Variants in MAPK8IP3 observed in about 807,000 individuals in gnomAD.
MAPK8IP3 encodes the protein mitogen-activated protein kinase 8 interacting protein 3.
Under a neutral mutation model 157.8 loss-of-function variants are expected in MAPK8IP3, and 49 were observed. The ratio of observed to expected loss-of-function variants is 0.31; its 90% CI spans 0.25 to 0.39. The LOEUF is 0.39. Ranked by LOEUF, MAPK8IP3 falls within the 10% of genes least tolerant of loss-of-function variation. MAPK8IP3 has a pLI of 1.00. For synonymous variants in MAPK8IP3, 897 were observed against 777.7 expected (o/e 1.15, Z -2.55); for missense variants, 1,478 against 1,889.4 (o/e 0.78, Z 4.04).
At chr16:1,744,492 T>C (rs2040850239) in intron 5 of MAPK8IP3, 1 of 985,508 alleles carries the variant, frequency 1.0e-6, no homozygotes, top group African/African-American at 1.7e-5. Flanking sequence ...TGGAACGCTC[T>C]CCTGTCCTCC....
rs750322533 is a variant in MAPK8IP3, at chr16:1,762,817, C to T, written c.1728-19C>T. ...CCCTGGTCCTCTGCCCACCCCTCAC[C>T]TCCCTGTGCCTCTGGCAGCTTCAGC... On this transcript the variant is annotated intron_variant, in intron 15 of 31. Coordinates refer to ENST00000610761, the MANE Select transcript of MAPK8IP3 (RefSeq NM_001318852.2). 3 of 1,609,688 alleles carry T rather than the reference C, an allele frequency of 1.9e-6. No homozygotes were observed. The highest frequency in any genetic ancestry group is 2.7e-5 in the African/African-American group (2 of 74,882).
Position 1,767,253 on chromosome 16 carries a change from A to G in MAPK8IP3, c.3193A>G (p.Lys1065Glu), listed in dbSNP as rs867319253. The G allele has an allele frequency of 1.2e-6, 2 of 1,613,342 alleles. No homozygotes were observed. Among genetic ancestry groups the G allele is most frequent in the Non-Finnish European group, 1.7e-6 (2 of 1,180,004 alleles). The part of the protein sequence containing the change: ...VVYDRVWCGY[K>E]NKVHVIQPKT... ...GTACGACCGCGTGTGGTGTGGCTAC[A>G]AGAACAAGGTGCACGTCATCCAGCC... The change falls in exon 26 of 32, where the codon AAG becomes GAG. Residue 1065 changes from lysine (K) to glutamate (E), a missense_variant. By Grantham distance (56) the Lys-to-Glu change is moderately conservative. Around this residue, in one of 11 missense-constraint regions of MAPK8IP3, gnomAD observed 669 missense variants for 759.8 expected, o/e 0.88. Transcript: ENST00000610761.
rs1297689695 is a variant in MAPK8IP3 at position 1,747,167 on chromosome 16, C to T, written c.886C>T (p.Leu296=). 1 of 1,614,060 alleles carries T rather than the reference C, an allele frequency of 6.2e-7. No individual in the cohort carries two copies. Among genetic ancestry groups the T allele is most frequent in the Non-Finnish European group, 8.5e-7 (1 of 1,180,016 alleles). The change falls in exon 6 of 32, where the codon CTG becomes TTG. Residue 296 remains leucine (L), a synonymous_variant. Transcript: ENST00000610761. The part of the protein sequence containing the change: ...VTPLNESLQP[L]GDYGVGSKNS... Reference sequence around the variant, plus strand: ...ACCCCTCAACGAGAGCCTGCAGCCCCTGGGGGACTATGGCGTGGGCTCCAA... The same window carrying T: ...ACCCCTCAACGAGAGCCTGCAGCCCTTGGGGGACTATGGCGTGGGCTCCAA...
chr16:1,756,623 AACACACACACACACACAC>A (rs60461442), intron 8 of MAPK8IP3, among the ~76,000 whole-genome samples: 276 of 135,704 alleles, frequency 2.0e-3, no homozygotes, highest in Non-Finnish European at 3.3e-3. Flanking sequence ...TTTTTACTAA[AACACACACACACACACAC>A]ACACACACAC....
In MAPK8IP3 at chr16:1,762,569, T is replaced by TA; in HGVS notation, c.1670+88_1670+89insA. On this transcript the variant is annotated intron_variant, in intron 14 of 31. Transcript: ENST00000610761. ...CCCTCCTCTGCACCTCCCTGTCTTC[T>TA]GGGGGGACTGAAGTGCGCTGGGTGC... 3 of 1,576,392 alleles carry TA rather than the reference T, an allele frequency of 1.9e-6. No homozygotes were observed. The East Asian group carries it at 6.7e-5, about 35-fold the overall frequency.
chr16:1,767,116 C>T (rs545743368), intron 25 of MAPK8IP3, 33 bp from the exon 26 acceptor site: 18 of 1,610,574 alleles, frequency 1.1e-5, no homozygotes, highest in African/African-American at 1.1e-4. Flanking sequence ...GGGGCCTGGC[C>T]AGGCCTGAGC....
intron 1 of MAPK8IP3, among the ~76,000 whole-genome samples, chr16:1,717,849 C>T (rs866608255): frequency 1.5e-4 from 22 of 149,858 alleles, no homozygotes; most frequent in Admixed American, 4.6e-4. Context: ...ACTGAAAATT[C>T]TTGGTTCTCT....
rs766003866 is a variant in MAPK8IP3, at chr16:1,767,279, C to G, written c.3219C>G (p.Pro1073=). 9 of 1,613,144 alleles carry G rather than the reference C, an allele frequency of 5.6e-6. No homozygotes were observed. In the Admixed American group the frequency reaches 1.5e-4, roughly 27 times the overall value. The part of the protein sequence containing the change: ...GYKNKVHVIQ[P]KTMQIEKSFD... ...AGAACAAGGTGCACGTCATCCAGCC[C>G]AAGACCATGCAGATAGAGGCGAGTG... Residue 1073 remains proline, a synonymous_variant, in exon 26 of 32, where the codon CCC becomes CCG. Transcript: ENST00000610761.
chr16:1,734,879 AGTGT>A lies in MAPK8IP3; in HGVS notation c.602+5306_602+5309del, dbSNP rs1370485102. The A allele has an allele frequency of 2.8e-5, 4 of 141,898 alleles. 1 individual carries two copies. The highest frequency in any genetic ancestry group is 2.1e-4 in the Admixed American group (3 of 14,216). The allele number at this position is 141,898 out of a possible 1,614,324, so 8.8% of individuals were successfully genotyped here. ...CCTTCACGCCTGGCGTGGCTTAGTG[AGTGT>A]GTGTCTGGAATGCAGTCGGTGTGAG... On this transcript the variant is annotated intron_variant, in intron 4 of 31. Transcript: ENST00000610761.
At chr16:1,721,112 TG>T (rs1178045175) in intron 1 of MAPK8IP3, among the ~76,000 whole-genome samples, 1 of 133,742 alleles carries the variant, frequency 7.5e-6, no homozygotes, top group Non-Finnish European at 1.6e-5. Context: ...CCGAGGCGGG[TG>T]GATCACCTAA....
chr16:1,748,191 C>A (rs1395010161), intron 6 of MAPK8IP3, 53 bp from the exon 7 acceptor site: 18 of 1,363,374 alleles, frequency 1.3e-5, no homozygotes, highest in Middle Eastern at 1.9e-4. Flanking sequence ...GTGAGCAGGG[C>A]AGAGGCTGCC....
chr16:1,737,944 G>T (rs2040155284), intron 4 of MAPK8IP3, among the ~76,000 whole-genome samples: 1 of 71,954 alleles, frequency 1.4e-5, no homozygotes, highest in Non-Finnish European at 2.7e-5. Flanking sequence ...GCATCCGTGT[G>T]ACTGTCCGTG....
rs1350504301 is a variant in MAPK8IP3 at position 1,743,100 on chromosome 16, A to C, written c.603-232A>C. Among the ~76,000 whole-genome samples the C allele has an allele frequency of 1.3e-5, 2 of 151,942 alleles. No individual in the cohort carries two copies. The highest frequency in any genetic ancestry group is 1.3e-4 in the Admixed American group (2 of 15,266). On this transcript the variant is annotated intron_variant, in intron 4 of 31. Coordinates refer to ENST00000610761, the MANE Select transcript of MAPK8IP3 (RefSeq NM_001318852.2). This position sits in a 1 kb window ranked among gnomAD's most constrained non-coding sequence, Gnocchi z 5.6. ...ACAGAGCGAGACTCCGCCTCAAAAA[A>C]AATAAAATAAAATAAAATAAAATAA...
intron 5 of MAPK8IP3, chr16:1,744,710 C>T (rs1178568721): frequency 1.0e-6 from 1 of 985,410 alleles, no homozygotes; most frequent in Non-Finnish European, 1.2e-6. Flanking sequence ...TCCGGGCTGC[C>T]TCTCGCGCCC....
In MAPK8IP3 at chr16:1,762,361, C is replaced by G. The variant is rs1219578253; in HGVS notation, c.1550C>G (p.Pro517Arg). Residue 517 changes from proline to arginine, a missense_variant, in exon 14 of 32, where the codon CCC becomes CGC. Around this residue, in one of 11 missense-constraint regions of MAPK8IP3, gnomAD observed 96 missense variants for 106.3 expected, o/e 0.90. Transcript: ENST00000610761. ...SYLCTESDKI[P>R]MAQRRRFTRV... is the part of the protein sequence containing the mutation. ...CCCCTCCCTCCGCAGGACAAAATCC[C>G]CATGGCCCAGCGCCGCCGCTTCACG... The G allele has an allele frequency of 6.3e-7, 1 of 1,575,690 alleles. No homozygotes were observed. Among genetic ancestry groups the G allele is most frequent in the South Asian group, 1.2e-5 (1 of 86,414 alleles).
chr16:1,763,767 C>T lies in MAPK8IP3; in HGVS notation c.2009C>T (p.Pro670Leu). 1 of 1,577,830 alleles carries T rather than the reference C, an allele frequency of 6.3e-7. No homozygotes were observed. Among genetic ancestry groups the T allele is most frequent in the East Asian group, 2.3e-5 (1 of 42,698 alleles). ...CTGCAGGCCTGCGGCTGGAGCCTGCCCGCCAAGTACAAGCAGGTGCGGGCG... is the reference window on the plus strand; with the variant it reads ...CTGCAGGCCTGCGGCTGGAGCCTGCTCGCCAAGTACAAGCAGGTGCGGGCG... Reference protein sequence around the residue: ...GRLQACGWSLPAKYKQLSPNG... With the variant: ...GRLQACGWSLLAKYKQLSPNG... Residue 670 changes from proline to leucine, a missense_variant, in exon 17 of 32, where the codon CCC becomes CTC. Physicochemically the swap from Pro to Leu is moderately conservative, Grantham distance 98. Transcript: ENST00000610761.
rs118031115 is a variant in MAPK8IP3 at position 1,732,163 on chromosome 16, G to A, written c.602+2585G>A. Among the ~76,000 whole-genome samples the A allele has an allele frequency of 3.2e-4, 48 of 152,332 alleles. No homozygotes were observed. In the East Asian group the frequency reaches 4.2e-3, roughly 13 times the overall value. On this transcript the variant is annotated intron_variant, in intron 4 of 31. Transcript: ENST00000610761. ...CTGGGCTGGGGAGGTTGGCGCTCTC[G>A]TTCTGAGTCTCCAGCAGCGGGGAGG...
intron 8 of MAPK8IP3, among the ~76,000 whole-genome samples, chr16:1,753,034 A>C (rs2041382812): frequency 6.6e-6 from 1 of 152,216 alleles, no homozygotes; most frequent in Non-Finnish European, 1.5e-5. Flanking sequence ...GAGCCTGCAC[A>C]GATCTGGGAA....
At position 1,710,345 on chromosome 16, in the gene MAPK8IP3, G is replaced by A. The variant is rs115858024; in HGVS notation, c.318+3688G>A. On this transcript the variant is annotated intron_variant, in intron 1 of 31. Transcript: ENST00000610761. The surrounding 1 kb of genome is among the most constrained non-coding windows in gnomAD (Gnocchi z 4.1). ...AAAAATTAGCCAGGTGTGGCGGCAG[G>A]CCCCTGTAGTCCCAGCACTCGGGAG... Among the ~76,000 whole-genome samples, 3,427 of 151,834 alleles carry A rather than the reference G, an allele frequency of 0.023. 142 individuals carry two copies. Among genetic ancestry groups the A allele is most frequent in the African/African-American group, 0.078 (3,213 of 41,398 alleles).
Sources: allele counts gnomAD v4.1 joint callset (sites outside exome capture counted in the v4.1 genomes callset), GRCh38; gene constraint gnomAD v4.1.1; regional missense constraint gnomAD v4.1.1; non-coding constraint Gnocchi (gnomAD v3.1); transcripts MANE v1.5; gene names NCBI Gene and HGNC (gene_info 2026-07-23, HGNC 2026-07-21).